Variants in MDGA2 observed in about 807,000 individuals in gnomAD.
MDGA2 encodes MAM domain containing glycosylphosphatidylinositol anchor 2.
A neutral mutation model predicts 117.8 loss-of-function variants in MDGA2; 40 were observed. The observed-to-expected ratio is 0.34, with a 90% CI of 0.26 to 0.44. The LOEUF (loss-of-function observed/expected upper bound fraction) is 0.44. Among genes scored for constraint, MDGA2 ranks in the 20% least tolerant of loss-of-function variants. The probability of loss-of-function intolerance (pLI) is 1.00; values close to 1 mark genes in which losing one functional copy is unlikely to be tolerated. For synonymous variants in MDGA2, 452 were observed against 439.0 expected, an observed-to-expected ratio of 1.03 and a Z score of -0.37; for missense variants, 1,123 against 1,250.6, an observed-to-expected ratio of 0.90 and a Z score of 1.54.
chr14:47,620,470 C>T (rs148094001), intron 1 of MDGA2, among the ~76,000 whole-genome samples: 5 of 152,282 alleles, frequency 3.3e-5, no homozygotes, highest in South Asian at 2.1e-4. Context: ...TTTGATTACA[C>T]GTGAATACTT....
chr14:47,148,005 C>T lies in MDGA2; in HGVS notation c.596-3731G>A, dbSNP rs113147757. Reference sequence around the variant, plus strand: ...TGACCAAAATTGAACAAGAGAATACCGAGAAATGACTCACTGCATTAACTG... The same window carrying T: ...TGACCAAAATTGAACAAGAGAATACTGAGAAATGACTCACTGCATTAACTG... On this transcript the variant is annotated intron_variant, in intron 3 of 16. Transcript: ENST00000399232. Among the ~76,000 whole-genome samples, 46 of 152,112 alleles carry T rather than the reference C, an allele frequency of 3.0e-4. 1 individual carries two copies. The highest frequency in any genetic ancestry group is 9.6e-4 in the African/African-American group (40 of 41,488).
intron 3 of MDGA2, among the ~76,000 whole-genome samples, chr14:47,202,064 A>G (rs1017554019): frequency 4.6e-5 from 7 of 152,210 alleles, no homozygotes; most frequent in African/African-American, 1.7e-4. Flanking sequence ...GACATATCCC[A>G]CTGCCTCTTC....
intron 3 of MDGA2, among the ~76,000 whole-genome samples, chr14:47,201,447 TGTTCTTTCTCTGTCTTGCCTG>T (rs1885503394): frequency 6.6e-6 from 1 of 152,180 alleles, no homozygotes; most frequent in Non-Finnish European, 1.5e-5. Flanking sequence ...TCCCATCTCC[TGTTCTTTCTCTGTCTTGCCTG>T]GTGCACCTAC....
chr14:47,202,790 T>C (rs1215499902), intron 3 of MDGA2, among the ~76,000 whole-genome samples: 1 of 152,206 alleles, frequency 6.6e-6, no homozygotes, highest in Non-Finnish European at 1.5e-5. Context: ...GCTTGGCTCA[T>C]GTTTGTACTC....
chr14:46,847,909 GT>G (rs1880905066), intron 15 of MDGA2, among the ~76,000 whole-genome samples: 1 of 151,958 alleles, frequency 6.6e-6, no homozygotes, highest in Admixed American at 6.6e-5. Context: ...CAAAAAGTAG[GT>G]TTTTAAGTCT....
chr14:47,208,437 G>C (rs747445622), intron 3 of MDGA2, among the ~76,000 whole-genome samples: 2 of 151,308 alleles, frequency 1.3e-5, no homozygotes, highest in Non-Finnish European at 2.9e-5. Context: ...AAAATACGTG[G>C]GAAAAAAACA....
intron 1 of MDGA2, among the ~76,000 whole-genome samples, chr14:47,599,124 G>A (rs963045381): frequency 6.6e-6 from 1 of 151,188 alleles, no homozygotes; most frequent in African/African-American, 2.4e-5. Flanking sequence ...AGACCATTTG[G>A]GAAGACATTA....
At chr14:47,049,066 T>G (rs1234692749) in intron 7 of MDGA2, among the ~76,000 whole-genome samples, 1 of 152,122 alleles carries the variant, frequency 6.6e-6, no homozygotes, top group Non-Finnish European at 1.5e-5. Context: ...AAAGGACATT[T>G]CTGTTTAAAT....
intron 8 of MDGA2, among the ~76,000 whole-genome samples, chr14:46,970,969 A>C (rs748948621): frequency 6.6e-6 from 1 of 152,232 alleles, no homozygotes; most frequent in Non-Finnish European, 1.5e-5. Flanking sequence ...GGAAAATGCA[A>C]ATCAAAACCA....
intron 1 of MDGA2, among the ~76,000 whole-genome samples, chr14:47,642,660 T>A (rs1897450241): frequency 6.6e-6 from 1 of 152,044 alleles, no homozygotes; most frequent in Non-Finnish European, 1.5e-5. Context: ...TATCTATCTA[T>A]CTATCTATTT....
intron 1 of MDGA2, among the ~76,000 whole-genome samples, chr14:47,501,468 TTAGA>T (rs1894398274): frequency 1.3e-5 from 2 of 152,140 alleles, no homozygotes; most frequent in South Asian, 4.2e-4. Flanking sequence ...AATAATGGTG[TTAGA>T]TAGATTAATG....
At chr14:46,903,035 G>A (rs1483651409) in intron 10 of MDGA2, among the ~76,000 whole-genome samples, 1 of 152,220 alleles carries the variant, frequency 6.6e-6, no homozygotes, top group Admixed American at 6.5e-5. Context: ...TTTGCAGCAG[G>A]GAGGAGCTGC....
chr14:47,465,850 A>C (rs1893592585), intron 1 of MDGA2, among the ~76,000 whole-genome samples: 1 of 152,180 alleles, frequency 6.6e-6, no homozygotes, highest in African/African-American at 2.4e-5. Flanking sequence ...GAGGAATAAA[A>C]ATCGTTCTAC....
At chr14:47,639,338 C>T (rs192733369) in intron 1 of MDGA2, among the ~76,000 whole-genome samples, 33 of 152,234 alleles carry the variant, frequency 2.2e-4, no homozygotes, top group African/African-American at 5.5e-4. Context: ...ATGCCTCATC[C>T]GCCATGAACT....
intron 9 of MDGA2, among the ~76,000 whole-genome samples, chr14:46,934,938 ATTTTGCGATTCTC>A (rs1193984520): frequency 6.6e-6 from 1 of 152,042 alleles, no homozygotes; most frequent in African/African-American, 2.4e-5. Context: ...CTCTGGGTCA[ATTTTGCGATTCTC>A]TTTTGCTTGT....
intron 3 of MDGA2, among the ~76,000 whole-genome samples, chr14:47,173,746 G>A (rs1186395310): frequency 6.6e-6 from 1 of 151,836 alleles, no homozygotes; most frequent in African/African-American, 2.4e-5. Flanking sequence ...ATCAACTAAC[G>A]AGCAAAATAA....
intron 8 of MDGA2, among the ~76,000 whole-genome samples, chr14:47,031,106 T>G (rs1410948349): frequency 6.6e-6 from 1 of 152,022 alleles, no homozygotes; most frequent in Non-Finnish European, 1.5e-5. Flanking sequence ...ATTATAATTT[T>G]GTAAGTTATA....
At chr14:47,517,643 T>C (rs1894781561) in intron 1 of MDGA2, among the ~76,000 whole-genome samples, 1 of 152,122 alleles carries the variant, frequency 6.6e-6, no homozygotes, top group Non-Finnish European at 1.5e-5. Context: ...TGCAATCAAC[T>C]CAATGAACTT....
intron 1 of MDGA2, among the ~76,000 whole-genome samples, chr14:47,342,283 AAAT>A (rs1890652426): frequency 5.0e-5 from 7 of 139,972 alleles, no homozygotes; most frequent in Non-Finnish European, 7.8e-5. Flanking sequence ...TATATATATA[AAAT>A]ATGTTATATA....
Sources: gnomAD v4.1 joint callset for allele counts (sites outside exome capture counted in the v4.1 genomes callset) on GRCh38, gnomAD v4.1.1 for gene constraint, MANE v1.5 for transcripts, NCBI Gene and HGNC (gene_info 2026-07-23, HGNC 2026-07-21) for gene names.